The following LRP2 variants were observed in gnomAD, a reference collection of about 807,000 sequenced individuals.
LRP2 encodes LDL receptor related protein 2, also known as low-density lipoprotein receptor-related protein 2.
In LRP2, 172 loss-of-function variants were observed where a neutral mutation model predicts 531.0. That is an observed-to-expected ratio of 0.32 (90% CI 0.29 to 0.37). LRP2 has a LOEUF of 0.37. LRP2 is among the 10% of genes least tolerant of loss of function. The pLI, the probability that LRP2 is intolerant of heterozygous loss-of-function variation, is 1.00. For synonymous variants in LRP2, 1,992 were observed against 2,027.6 expected (o/e 0.98, Z 0.47); for missense variants, 5,167 against 5,868.3 (o/e 0.88, Z 3.90).
chr2:169,289,683 T>A (rs985519741), intron 8 of LRP2, among the ~76,000 whole-genome samples: 1 of 152,178 alleles, frequency 6.6e-6, no homozygotes, highest in African/African-American at 2.4e-5. Context: ...TGTGTCTACA[T>A]AGTAAAAAGG....
chr2:169,170,200 A>G lies in LRP2; in HGVS notation c.11380+351T>C, dbSNP rs181475166. Among the ~76,000 whole-genome samples the G allele has an allele frequency of 3.9e-5, 6 of 152,328 alleles. No individual in the cohort carries two copies. The East Asian group carries it at 1.2e-3, about 29-fold the overall frequency. On this transcript the variant is annotated intron_variant, in intron 59 of 78. Coordinates refer to ENST00000649046, the MANE Select transcript of LRP2 (RefSeq NM_004525.3). ...GATCTGATCTCTACACAAGAGAGTC[A>G]TAGGAGCACATGCATATTCCTTAGG...
chr2:169,287,589 A>C (rs1683891485), intron 9 of LRP2, among the ~76,000 whole-genome samples: 2 of 152,092 alleles, frequency 1.3e-5, no homozygotes. Flanking sequence ...TTTGCAAACC[A>C]GAGTTTATTT....
intron 1 of LRP2, among the ~76,000 whole-genome samples, chr2:169,340,204 CA>C (rs113902612): frequency 0.013 from 1,927 of 152,244 alleles, 29 homozygotes; most frequent in African/African-American, 0.042. Context: ...ATCATTCCCC[CA>C]TAATATTGTT....
chr2:169,329,208 G>A (rs998912060), intron 1 of LRP2, among the ~76,000 whole-genome samples: 2 of 152,192 alleles, frequency 1.3e-5, no homozygotes, highest in Admixed American at 1.3e-4. Context: ...GCAGGATTTG[G>A]GAAGGTGAAG....
At chr2:169,355,644 G>A (rs1218693736) in intron 1 of LRP2, among the ~76,000 whole-genome samples, 2 of 152,194 alleles carry the variant, frequency 1.3e-5, no homozygotes, top group African/African-American at 4.8e-5. Context: ...CTTTCCCAGT[G>A]GATGTGATCT....
Position 169,237,189 on chromosome 2 carries a change from G to A in LRP2, c.4605C>T (p.Val1535=), listed in dbSNP as rs184527977. The A allele has an allele frequency of 7.4e-6, 12 of 1,613,662 alleles. No homozygotes were observed. In the African/African-American group the frequency reaches 1.6e-4, roughly 22 times the overall value. The change falls in exon 28 of 79, where the codon GTC becomes GTT. Residue 1535 remains valine, a synonymous_variant. Coordinates refer to ENST00000649046, the MANE Select transcript of LRP2 (RefSeq NM_004525.3). ...TCCTGTGGCTCCCATCAATTTTGGA[G>A]ACTTCAATTGTTTCCAGAGCATAGT... ...WTDYALETIE[V]SKIDGSHRTV... is the part of the protein sequence containing the mutation.
intron 33 of LRP2, among the ~76,000 whole-genome samples, chr2:169,223,716 T>TA (rs1307623169): frequency 2.0e-5 from 3 of 152,004 alleles, no homozygotes; most frequent in African/African-American, 7.3e-5. Flanking sequence ...GTTTCTGATG[T>TA]AAAAAAATAA....
chr2:169,222,510 G>T (rs191228584), intron 33 of LRP2, among the ~76,000 whole-genome samples: 88 of 152,132 alleles, frequency 5.8e-4, no homozygotes, highest in African/African-American at 1.8e-3. Context: ...TCTTCATTTG[G>T]CAGAAATAAA....
rs4140872 is a variant in LRP2, at chr2:169,170,086, C to T, written c.11381-268G>A. On this transcript the variant is annotated intron_variant, in intron 59 of 78. Coordinates refer to ENST00000649046, the MANE Select transcript of LRP2 (RefSeq NM_004525.3). ...TCCTCAGAAATCGGAATTCCCCAAT[C>T]TTCAATGTTTTCTAATTTTCCTAAG... Among the ~76,000 whole-genome samples, 120,648 of 152,120 alleles carry T rather than the reference C, an allele frequency of 0.79. 48,414 individuals are homozygous for T. Among genetic ancestry groups the T allele is most frequent in the African/African-American group, 0.9 (37,299 of 41,530 alleles).
chr2:169,237,383 G>C lies in LRP2; in HGVS notation c.4507-96C>G, dbSNP rs949402996. 3.6e-5 allele frequency: 36 copies of C among 1,000,394 alleles called. No individual in the cohort carries two copies. The South Asian group carries it at 4.8e-4, about 13-fold the overall frequency. The allele number at this position is 1,000,394 out of a possible 1,614,324, so 62.0% of individuals were successfully genotyped here. A position where few individuals can be genotyped will look rare whatever the true frequency, so the allele number is the denominator to read the frequency against. On this transcript the variant is annotated intron_variant, in intron 27 of 78. Transcript: ENST00000649046. Reference sequence around the variant, plus strand: ...AAATCTAGATTAAACCATCTAACTTGTCCTATAATTACTTGTGGGGATTAG... The same window carrying C: ...AAATCTAGATTAAACCATCTAACTTCTCCTATAATTACTTGTGGGGATTAG...
intron 11 of LRP2, 37 bp downstream of exon 11, chr2:169,280,313 C>T (rs767565178): frequency 9.1e-5 from 147 of 1,612,264 alleles, no homozygotes; most frequent in Middle Eastern, 4.9e-4. Context: ...ACACTTTGTG[C>T]TCAGGGTTCC....
At chr2:169,292,475 A>C (rs1160562671) in intron 6 of LRP2, 106 bp from the exon 7 acceptor site, 1 of 796,274 alleles carries the variant, frequency 1.3e-6, no homozygotes, top group African/African-American at 1.7e-5. Context: ...TGAAATTTCT[A>C]TATCAATTTA....
chr2:169,244,476 T>C (rs912543592), intron 22 of LRP2, among the ~76,000 whole-genome samples: 2 of 152,244 alleles, frequency 1.3e-5, no homozygotes, highest in Admixed American at 6.5e-5. Flanking sequence ...TTTGCTTCCA[T>C]AGAACTCAAT....
chr2:169,237,313 G>T (rs1217318298), intron 27 of LRP2, 26 bp from the exon 28 acceptor site: 10 of 1,506,268 alleles, frequency 6.6e-6, no homozygotes, highest in Non-Finnish European at 9.2e-6. Flanking sequence ...AATAAAGAGT[G>T]AATTCTAGAG....
chr2:169,139,659 C>A, intron 72 of LRP2, 49 bp from the exon 73 acceptor site: 1 of 1,535,622 alleles, frequency 6.5e-7, no homozygotes, highest in Non-Finnish European at 9.0e-7. Context: ...TCTTAGGCTT[C>A]TACTGCATTT....
Position 169,206,731 on chromosome 2 carries a change from T to G in LRP2, c.6989A>C (p.Asp2330Ala), listed in dbSNP as rs772284790. 1 of 1,614,128 alleles carries G rather than the reference T, an allele frequency of 6.2e-7. No individual in the cohort carries two copies. Among genetic ancestry groups the G allele is most frequent in the South Asian group, 1.1e-5 (1 of 91,076 alleles). The change falls in exon 39 of 79, where the codon GAC becomes GCC. Residue 2330 changes from aspartate to alanine, a missense_variant. Coordinates refer to ENST00000649046, the MANE Select transcript of LRP2 (RefSeq NM_004525.3). ...INWLRDVTIF[D>A]KQVQPRSPAE... ...TGGTGACCGGGGCTGGACTTGCTTG[T>G]CAAAGATGGTCACATCTCTTAGCCA...
chr2:169,261,185 T>C (rs930522613), intron 16 of LRP2, among the ~76,000 whole-genome samples: 1 of 151,924 alleles, frequency 6.6e-6, no homozygotes, highest in Non-Finnish European at 1.5e-5. Context: ...AAGGGTAAGT[T>C]GCATATTTTT....
Position 169,154,724 on chromosome 2 carries a change from C to G in LRP2, c.12152-121G>C, listed in dbSNP as rs906953408. 3 of 852,282 alleles carry G rather than the reference C, an allele frequency of 3.5e-6. No individual in the cohort carries two copies. The African/African-American group carries it at 5.1e-5, about 14-fold the overall frequency. The allele number at this position is 852,282 out of a possible 1,614,324, so 52.8% of individuals were successfully genotyped here. On this transcript the variant is annotated intron_variant, in intron 65 of 78. Transcript: ENST00000649046. ...AAAGAACATGAGTTTTTATAGGAAT[C>G]TGACTATCTCTGTTAATCAATAAAG...
At position 169,213,679 on chromosome 2, in the gene LRP2, A is replaced by T; in HGVS notation, c.6018T>A (p.Gly2006=). The change falls in exon 36 of 79, where the codon GGT becomes GGA. Residue 2006 remains glycine, a synonymous_variant. Coordinates refer to ENST00000649046, the MANE Select transcript of LRP2 (RefSeq NM_004525.3). ...TACTGCGTCTGTGATAAACTTGAAG[A>T]CCCCTCAGATTTGGAACATTATCTC... ...VLRDNVPNLR[G]LQVYHRRNAA... is the part of the protein sequence containing the mutation. 6.2e-7 allele frequency: 1 copy of T among 1,613,022 alleles called. No homozygotes were observed.
Sources: gnomAD v4.1 joint callset for allele counts (sites outside exome capture counted in the v4.1 genomes callset) on GRCh38, gnomAD v4.1.1 for gene constraint, MANE v1.5 for transcripts, NCBI Gene and HGNC (gene_info 2026-07-23, HGNC 2026-07-21) for gene names.